Variants in PSEN2 observed in about 807,000 individuals in gnomAD.
PSEN2 encodes the protein presenilin-2.
PSEN2 carries 32 observed loss-of-function variants against 49.1 expected under a neutral mutation model. That is an observed-to-expected ratio of 0.65 (90% CI 0.49 to 0.88). The LOEUF is 0.88. Ranked by LOEUF, PSEN2 falls within the 40% of genes least tolerant of loss-of-function variation. PSEN2 has a pLI of 0.00. For synonymous variants in PSEN2, 255 were observed against 244.0 expected (o/e 1.05, Z -0.42); for missense variants, 522 against 586.9 (o/e 0.89, Z 1.14).
chr1:226,883,426 T>C (rs1017994880), intron 4 of PSEN2, among the ~76,000 whole-genome samples: 1 of 152,214 alleles, frequency 6.6e-6, no homozygotes, highest in African/African-American at 2.4e-5. Flanking sequence ...GAAAGATCTT[T>C]TGATTCATTA....
chr1:226,883,963 GTT>G, intron 5 of PSEN2, 44 bp downstream of exon 5: 6 of 971,936 alleles, frequency 6.2e-6, no homozygotes, highest in South Asian at 2.9e-5. Context: ...TGAGGGCTGA[GTT>G]GCCAGGGGGT....
intron 5 of PSEN2, 71 bp downstream of exon 5, chr1:226,883,990 C>A (rs898714857): frequency 7.6e-5 from 98 of 1,296,488 alleles, no homozygotes; most frequent in Non-Finnish European, 9.3e-5. Flanking sequence ...GGCGCAGCAG[C>A]CTGTGTTGGT....
At position 226,902,544 on chromosome 1, in the gene PSEN2, T is replaced by G. The variant is rs560685507; in HGVS notation, c.1192-5978T>G. On this transcript the variant is annotated intron_variant, in intron 12 of 14. Coordinates refer to the PSEN2 transcript ENST00000676945. Reference sequence around the variant, plus strand: ...CAACAGTACCTGATCCTGTACCATCTTCCAAAGGGAAGTCAGTGGGGTTGG... The same window carrying G: ...CAACAGTACCTGATCCTGTACCATCGTCCAAAGGGAAGTCAGTGGGGTTGG... 2.0e-5 allele frequency among the ~76,000 whole-genome samples: 3 copies of G among 152,140 alleles called. 1 individual carries two copies. Among genetic ancestry groups the G allele is most frequent in the African/African-American group, 7.2e-5 (3 of 41,418 alleles).
chr1:226,892,488 C>T (rs976749966), intron 11 of PSEN2, among the ~76,000 whole-genome samples: 9 of 152,198 alleles, frequency 5.9e-5, no homozygotes, highest in East Asian at 1.9e-4. Context: ...CCCACTGCTG[C>T]GTGCCAGGCA....
chr1:226,899,307 G>A (rs1662240514), downstream of PSEN2: 1 of 151,598 alleles, frequency 6.6e-6, no homozygotes, highest in South Asian at 2.1e-4. Flanking sequence ...GTTTTTCTTT[G>A]TAACCAGGTG....
In PSEN2 at chr1:226,873,425, T is replaced by A. The variant is rs180685271; in HGVS notation, c.-206-1940T>A. Among the ~76,000 whole-genome samples, 904 of 151,896 alleles carry A rather than the reference T, an allele frequency of 6.0e-3. 27 individuals carry two copies. The highest frequency in any genetic ancestry group is 0.057 in the East Asian group (292 of 5,152). ...ATTCTAGAAAATTAGGGAAAAAAAA[T>A]TTTTTTTGAGATGGAGTTTCACTCT... On this transcript the variant is annotated intron_variant, in intron 2 of 12. Coordinates refer to ENST00000366783, the MANE Select transcript of PSEN2 (RefSeq NM_000447.3).
At chr1:226,888,336 G>A (rs1297200518) in intron 7 of PSEN2, among the ~76,000 whole-genome samples, 178 bp downstream of exon 7, 4 of 152,162 alleles carry the variant, frequency 2.6e-5, no homozygotes, top group Non-Finnish European at 5.9e-5. Context: ...ACACAGGGGA[G>A]TGGAAGTGGG....
chr1:226,888,026 C>T (rs1382054247), intron 6 of PSEN2, 65 bp from the exon 7 acceptor site: 5 of 1,341,814 alleles, frequency 3.7e-6, no homozygotes, highest in Non-Finnish European at 5.4e-6. Flanking sequence ...GTCTCAGGAT[C>T]CTGGGGGCCT....
Position 226,888,177 on chromosome 1 carries a change from G to T in PSEN2, c.566+19G>T, listed in dbSNP as rs758452815. 16 of 1,600,560 alleles carry T rather than the reference G, an allele frequency of 1.0e-5. No homozygotes were observed. The highest frequency in any genetic ancestry group is 1.4e-5 in the Non-Finnish European group (16 of 1,167,708). ...ACCTTGGGTAAGTGACAGATAAGCA[G>T]CAGGGTCCCTGGGAGCCCCTCTCCA... On this transcript the variant is annotated intron_variant, in intron 7 of 12. Coordinates refer to ENST00000366783, the MANE Select transcript of PSEN2 (RefSeq NM_000447.3).
chr1:226,880,832 C>T (rs765746071), intron 3 of PSEN2: 66 of 1,553,690 alleles, frequency 4.2e-5, no homozygotes, highest in Admixed American at 1.4e-4. Context: ...CCCTGGGTCC[C>T]GCCCTCAGTG....
At chr1:226,872,496 A>G (rs564939007) in intron 2 of PSEN2, among the ~76,000 whole-genome samples, 2 of 152,294 alleles carry the variant, frequency 1.3e-5, no homozygotes, top group East Asian at 3.9e-4. Flanking sequence ...TTATCTCTTG[A>G]GTTTTTGCGC....
rs201563376 is a variant in PSEN2, at chr1:226,889,087, G to C, written c.787+38G>C. On this transcript the variant is annotated intron_variant, in intron 8 of 12. Transcript: ENST00000366783. ...CAAGGCTGGTGGGGGCAGTGGGGGC[G>C]ATGTCCAGGGCCAAATCGTCCCCAG... 7.6e-6 allele frequency: 12 copies of C among 1,570,300 alleles called. No homozygotes were observed. In the Middle Eastern group the frequency reaches 1.8e-3, roughly 242 times the overall value.
chr1:226,885,437 C>A, intron 5 of PSEN2, 101 bp from the exon 6 acceptor site: 2 of 1,357,254 alleles, frequency 1.5e-6, no homozygotes, highest in Non-Finnish European at 2.0e-6. Flanking sequence ...GCAGCATGGG[C>A]ATCCCAGGCA....
chr1:226,902,336 A>AT (rs1246335846), intron 12 of PSEN2, among the ~76,000 whole-genome samples: 1 of 152,168 alleles, frequency 6.6e-6, no homozygotes, highest in Admixed American at 6.5e-5. Context: ...CTAATAGGCT[A>AT]TAGACTGGTA....
chr1:226,894,173 G>C (rs1443864497), intron 12 of PSEN2, 48 bp downstream of exon 12: 2 of 1,424,654 alleles, frequency 1.4e-6, no homozygotes, highest in Non-Finnish European at 9.9e-7. Flanking sequence ...GGGGCCCCCA[G>C]GGTCCTCATT....
At chr1:226,886,636 C>A (rs1661381396) in intron 6 of PSEN2, among the ~76,000 whole-genome samples, 1 of 152,158 alleles carries the variant, frequency 6.6e-6, no homozygotes, top group African/African-American at 2.4e-5. Flanking sequence ...ATTTTTTGTT[C>A]AGGCCGCTGC....
Position 226,895,823 on chromosome 1 carries a change from G to A in PSEN2, c.*244G>A, listed in dbSNP as rs1662113981. The A allele has an allele frequency of 3.5e-6, 2 of 565,254 alleles. No homozygotes were observed. Among genetic ancestry groups the A allele is most frequent in the African/African-American group, 3.8e-5 (2 of 53,166 alleles). The allele number at this position is 565,254 out of a possible 1,614,324, so 35.0% of individuals were successfully genotyped here. A position where few individuals can be genotyped will look rare whatever the true frequency, so the allele number is the denominator to read the frequency against. On this transcript the variant is annotated 3_prime_UTR_variant, in exon 13 of 13. Coordinates refer to ENST00000366783, the MANE Select transcript of PSEN2 (RefSeq NM_000447.3). ...ACAGGAAGCACAGCAGGTTTATCCAGATGAACTGAGAAGGTCAGATTAGGG... is the reference window on the plus strand; with the variant it reads ...ACAGGAAGCACAGCAGGTTTATCCAAATGAACTGAGAAGGTCAGATTAGGG...
rs750095720 is a variant in PSEN2 at position 226,885,536 on chromosome 1, A to C, written c.357-2A>C. On this transcript the variant is annotated splice_acceptor_variant, in intron 5 of 12. Coordinates refer to ENST00000366783, the MANE Select transcript of PSEN2 (RefSeq NM_000447.3). LOFTEE classifies it high-confidence loss of function. ...GCATCAGCCCTTTGCCTTCTCCCTC[A>C]GCATCTACACGCCATTCACTGAGGA... is the stretch of plus-strand genomic sequence containing the variant. The C allele has an allele frequency of 6.2e-7, 1 of 1,613,522 alleles. No individual in the cohort carries two copies. The highest frequency in any genetic ancestry group is 1.1e-5 in the South Asian group (1 of 90,992).
intron 6 of PSEN2, among the ~76,000 whole-genome samples, chr1:226,887,259 G>T (rs564477648): frequency 6.6e-6 from 1 of 152,310 alleles, no homozygotes; most frequent in South Asian, 2.1e-4. Context: ...TGGCTGGGAT[G>T]AAGAGGGTTG....
Sources: allele counts gnomAD v4.1 joint callset (sites outside exome capture counted in the v4.1 genomes callset), GRCh38; gene constraint gnomAD v4.1.1; transcripts MANE v1.5; gene names NCBI Gene and HGNC (gene_info 2026-07-23, HGNC 2026-07-21).